The following BRWD3 variants were observed in gnomAD, a reference collection of about 807,000 sequenced individuals.
BRWD3 encodes the protein bromodomain and WD repeat domain containing 3, also known as bromodomain and WD repeat-containing protein 3.
A neutral mutation model predicts 149.7 loss-of-function variants in BRWD3; 10 were observed. The observed-to-expected ratio is 0.07, with a 90% CI of 0.04 to 0.11. The LOEUF (loss-of-function observed/expected upper bound fraction) is 0.11, where lower values mean the gene tolerates loss of function less well. BRWD3 is among the 10% of genes least tolerant of loss of function. The pLI is 1.00. For synonymous variants in BRWD3, 504 were observed against 456.7 expected (o/e 1.10, Z -1.32); for missense variants, 940 against 1,373.2 (o/e 0.68, Z 4.99).
At chrX:80,730,334 G>A (rs1402397049) in intron 12 of BRWD3, among the ~76,000 whole-genome samples, 2 of 104,915 alleles carry the variant, frequency 1.9e-5, no homozygotes, top group East Asian at 3.0e-4. Context: ...GTCCATCAAC[G>A]GGATAAATGG....
chrX:80,800,108 C>A (rs2074276665), intron 4 of BRWD3, among the ~76,000 whole-genome samples: 1 of 109,526 alleles, frequency 9.1e-6, no homozygotes, highest in South Asian at 3.9e-4. Context: ...GGGTTCATGT[C>A]CAGTTTCACC....
At chrX:80,784,324 C>T (rs765177261) in intron 6 of BRWD3, among the ~76,000 whole-genome samples, 6 of 111,726 alleles carry the variant, frequency 5.4e-5, no homozygotes, top group African/African-American at 1.6e-4. Flanking sequence ...AGGAAAATTC[C>T]TAAAATTGTT....
At chrX:80,684,486 A>G (rs2072495368) in intron 36 of BRWD3, among the ~76,000 whole-genome samples, 1 of 112,094 alleles carries the variant, frequency 8.9e-6, no homozygotes, top group Non-Finnish European at 1.9e-5. Flanking sequence ...ACCCCAGCAC[A>G]CTGTTTAATG....
intron 6 of BRWD3, among the ~76,000 whole-genome samples, chrX:80,767,141 G>T (rs1434563857): frequency 1.8e-5 from 2 of 111,769 alleles, no homozygotes; most frequent in Non-Finnish European, 3.8e-5. Context: ...CCTCAGCTCA[G>T]CAAGAAACTT....
At chrX:80,804,677 C>T (rs1387866644) in intron 4 of BRWD3, among the ~76,000 whole-genome samples, 1 of 112,015 alleles carries the variant, frequency 8.9e-6, no homozygotes, top group African/African-American at 3.2e-5. Context: ...CACACACAAC[C>T]TTGATTACTC....
At position 80,686,815 on chromosome X, in the gene BRWD3, T is replaced by C. The variant is rs778143645; in HGVS notation, c.4005+48A>G. The C allele has an allele frequency of 3.4e-6, 4 of 1,174,058 alleles. No individual in the cohort carries two copies. In the Admixed American group the frequency reaches 8.9e-5, roughly 26 times the overall value. ...TTATCTAGATTTTAGCATGGACATT[T>C]ATGGGAAATTATCATACTGACAATT... On this transcript the variant is annotated intron_variant, in intron 35 of 40. Transcript: ENST00000373275.
chrX:80,689,908 A>T (rs2072588362), intron 32 of BRWD3, 59 bp downstream of exon 32: 43 of 1,170,430 alleles, frequency 3.7e-5, no homozygotes, highest in East Asian at 2.8e-4. Context: ...TAATTTTTTT[A>T]AAATTAATTT....
Position 80,724,900 on chromosome X carries a change from A to G in BRWD3, c.1521+33T>C, listed in dbSNP as rs772808028. On this transcript the variant is annotated intron_variant, in intron 15 of 40. Transcript: ENST00000373275. ...TTATTATATGAGAGAAGTTGGTTTT[A>G]ATGTGAACTAGATACAGGTAGGTGT... 3 of 1,207,022 alleles carry G rather than the reference A, an allele frequency of 2.5e-6. No homozygotes were observed. The Admixed American group carries it at 6.5e-5, about 26-fold the overall frequency.
At chrX:80,793,187 A>AAG (rs2074201622) in intron 5 of BRWD3, among the ~76,000 whole-genome samples, 1 of 105,305 alleles carries the variant, frequency 9.5e-6, no homozygotes, top group Non-Finnish European at 1.9e-5. Context: ...AAAAAAAAAA[A>AAG]TTACTGATAG....
rs747629059 is a variant in BRWD3, at chrX:80,692,817, A to G, written c.3263+123T>C. ...TTTTACCATCAAATTTCTTCTTTACAGGTACAGGTATTGTGAGACTAGATA... is the reference window on the plus strand; with the variant it reads ...TTTTACCATCAAATTTCTTCTTTACGGGTACAGGTATTGTGAGACTAGATA... On this transcript the variant is annotated intron_variant, in intron 28 of 40. Transcript: ENST00000373275. The G allele has an allele frequency of 9.3e-6, 5 of 538,499 alleles. No individual in the cohort carries two copies. In the Admixed American group the frequency reaches 1.5e-4, roughly 17 times the overall value. 44.4% of individuals were successfully genotyped at this position (538,499 alleles called of 1,213,427 possible).
chrX:80,766,023 T>A (rs1304506926), intron 6 of BRWD3, among the ~76,000 whole-genome samples: 1 of 112,136 alleles, frequency 8.9e-6, no homozygotes, highest in Non-Finnish European at 1.9e-5. Flanking sequence ...CTAGACTGGG[T>A]CACAGAATGC....
intron 36 of BRWD3, among the ~76,000 whole-genome samples, chrX:80,684,608 G>A (rs2072497071): frequency 1.9e-5 from 2 of 104,721 alleles, no homozygotes; most frequent in Admixed American, 2.2e-4. Context: ...CATTAGTTAA[G>A]GGTCAGGGTC....
chrX:80,748,267 C>A (rs774356139), intron 6 of BRWD3, among the ~76,000 whole-genome samples: 2 of 112,311 alleles, frequency 1.8e-5, no homozygotes, highest in East Asian at 5.6e-4. Flanking sequence ...CCCACCTCGG[C>A]CTCCCAAAGT....
chrX:80,750,485 T>C (rs1244602122), intron 6 of BRWD3, among the ~76,000 whole-genome samples: 2 of 110,815 alleles, frequency 1.8e-5, no homozygotes, highest in Non-Finnish European at 1.9e-5. Context: ...ATGCTCAACA[T>C]CTCCAGTCAT....
intron 6 of BRWD3, among the ~76,000 whole-genome samples, chrX:80,791,590 T>C (rs757174261): frequency 2.6e-4 from 29 of 111,970 alleles, no homozygotes; most frequent in East Asian, 8.3e-4. Context: ...TAAAAACGTC[T>C]ATACTATATT....
chrX:80,768,300 G>A (rs772147378), intron 6 of BRWD3, among the ~76,000 whole-genome samples: 45 of 111,025 alleles, frequency 4.1e-4, no homozygotes, highest in Admixed American at 4.8e-4. Context: ...AGGTTGAAAG[G>A]AAGGAAAAAA....
At chrX:80,694,790 G>A (rs926504245) in intron 27 of BRWD3, among the ~76,000 whole-genome samples, 17 of 111,265 alleles carry the variant, frequency 1.5e-4, no homozygotes, top group Non-Finnish European at 2.8e-4. Context: ...AGCAAGTAAC[G>A]AATCTGCTTG....
At chrX:80,776,297 G>C (rs954615195) in intron 6 of BRWD3, among the ~76,000 whole-genome samples, 2 of 111,519 alleles carry the variant, frequency 1.8e-5, no homozygotes, top group African/African-American at 6.5e-5. Context: ...AACTAGTCCA[G>C]TCATTATTTA....
intron 8 of BRWD3, among the ~76,000 whole-genome samples, chrX:80,740,311 AAGAAG>A (rs762706480): frequency 1.2e-4 from 14 of 112,505 alleles, no homozygotes; most frequent in South Asian, 3.6e-4. Flanking sequence ...TCTCAACAGA[AAGAAG>A]AGGACAAAAG....
Sources: allele counts gnomAD v4.1 joint callset (sites outside exome capture counted in the v4.1 genomes callset), GRCh38; gene constraint gnomAD v4.1.1; transcripts MANE v1.5; gene names NCBI Gene and HGNC (gene_info 2026-07-23, HGNC 2026-07-21).